The following FAM177A1 variants were observed in gnomAD, a reference collection of about 807,000 sequenced individuals.
The protein encoded by FAM177A1 is family with sequence similarity 177 member A1.
A neutral mutation model predicts 26.1 loss-of-function variants in FAM177A1; 22 were observed. The observed-to-expected ratio is 0.84, with a 90% CI of 0.60 to 1.20. The LOEUF (loss-of-function observed/expected upper bound fraction) is 1.20. FAM177A1 is among the 50% of genes most tolerant of loss of function. The pLI, the probability that FAM177A1 is intolerant of heterozygous loss-of-function variation, is 0.00. For synonymous variants in FAM177A1, 95 were observed against 99.3 expected (o/e 0.96, Z 0.26); for missense variants, 296 against 291.1 (o/e 1.02, Z -0.12).
chr14:35,067,340 C>T (rs540950518), intron 2 of FAM177A1, among the ~76,000 whole-genome samples: 3 of 152,246 alleles, frequency 2.0e-5, no homozygotes, highest in African/African-American at 4.8e-5. Context: ...GGTTCATCCA[C>T]GTTGCACAAA....
intron 2 of FAM177A1, among the ~76,000 whole-genome samples, chr14:35,057,424 C>T (rs747345252): frequency 3.3e-5 from 5 of 151,920 alleles, no homozygotes; most frequent in Admixed American, 6.6e-5. Flanking sequence ...ACTCTGTCAC[C>T]CAGGCTGGAG....
chr14:35,046,296 G>A lies in FAM177A1; in HGVS notation c.-168G>A. 1 of 739,832 alleles carries A rather than the reference G, an allele frequency of 1.4e-6. No homozygotes were observed. Among genetic ancestry groups the A allele is most frequent in the Non-Finnish European group, 2.0e-6 (1 of 505,034 alleles). The allele number at this position is 739,832 out of a possible 1,614,324, so 45.8% of individuals were successfully genotyped here. On this transcript the variant is annotated 5_prime_UTR_variant, in exon 1 of 5. Transcript: ENST00000280987. ...CAGACTGCAGTTGGCCAGCTCTCGG[G>A]GTGCGGAGCCCGGCGGGCTAGGCGA...
Position 35,051,080 on chromosome 14 carries a change from T to C in FAM177A1, c.166-2198T>C, listed in dbSNP as rs559038345. Among the ~76,000 whole-genome samples, 163 of 152,318 alleles carry C rather than the reference T, an allele frequency of 1.1e-3. 1 individual carries two copies. The highest frequency in any genetic ancestry group is 3.6e-3 in the African/African-American group (149 of 41,568). On this transcript the variant is annotated intron_variant, in intron 1 of 4. Transcript: ENST00000280987. ...TGTGACTTTTTTTCATGTTAATACA[T>C]AGGTAGCCTATGTTACCAAATTTTA... is the stretch of plus-strand genomic sequence containing the variant.
intron 1 of FAM177A1, 118 bp from the exon 2 acceptor site, chr14:35,053,160 C>A: frequency 1.1e-6 from 1 of 947,344 alleles, no homozygotes; most frequent in Non-Finnish European, 1.5e-6. Flanking sequence ...CAGAACAAAC[C>A]AAAACTGCTT....
At chr14:35,046,269 C>T (rs1033108262), upstream of FAM177A1, 10 of 543,108 alleles carry the variant, frequency 1.8e-5, no homozygotes, top group South Asian at 2.5e-4. Context: ...AGTTGCGCCT[C>T]CCAGACTGCA....
chr14:35,082,773 T>C lies in FAM177A1; in HGVS notation c.*1545T>C, dbSNP rs970817768. The C allele has an allele frequency of 2.6e-5, 4 of 152,190 alleles. No individual in the cohort carries two copies. Among genetic ancestry groups the C allele is most frequent in the African/African-American group, 7.2e-5 (3 of 41,450 alleles). The allele number at this position is 152,190 out of a possible 1,614,324, so 9.4% of individuals were successfully genotyped here. On this transcript the variant is annotated 3_prime_UTR_variant, in exon 5 of 5. Coordinates refer to ENST00000280987, the MANE Select transcript of FAM177A1 (RefSeq NM_173607.5). ...AATTTTAATATATCTATATAAAATA[T>C]AGTGTCAAAGAAAGTAACATCAATA...
At chr14:35,046,901 G>A (rs906314596) in intron 1 of FAM177A1, 8 of 1,251,312 alleles carry the variant, frequency 6.4e-6, no homozygotes, top group Non-Finnish European at 8.0e-6. Context: ...GTCTACCAGA[G>A]GAAGAAGAAA....
intron 1 of FAM177A1, among the ~76,000 whole-genome samples, chr14:35,048,324 T>A (rs898447805): frequency 6.6e-6 from 1 of 152,164 alleles, no homozygotes; most frequent in Non-Finnish European, 1.5e-5. Flanking sequence ...ATATACCAGC[T>A]AAATGTTGTT....
At chr14:35,063,300 T>TG (rs139534774) in intron 2 of FAM177A1, among the ~76,000 whole-genome samples, 24,633 of 151,744 alleles carry the variant, frequency 0.16, 2,216 homozygotes, top group African/African-American at 0.23. Context: ...GGGCCAGGCA[T>TG]GGTGGCTCTT....
chr14:35,047,016 C>A, intron 1 of FAM177A1: 1 of 1,018,632 alleles, frequency 9.8e-7, no homozygotes, highest in Non-Finnish European at 1.2e-6. Context: ...TGGGCATCTG[C>A]CCTTTGCTTG....
At chr14:35,048,628 T>A (rs1566665337) in intron 1 of FAM177A1, among the ~76,000 whole-genome samples, 1 of 151,486 alleles carries the variant, frequency 6.6e-6, no homozygotes, top group Non-Finnish European at 1.5e-5. Context: ...AGTTCCATTT[T>A]CTGATTTGCC....
chr14:35,076,858 T>C lies in FAM177A1; in HGVS notation c.340-292T>C, dbSNP rs2045404580. On this transcript the variant is annotated intron_variant, in intron 2 of 4. Coordinates refer to ENST00000280987, the MANE Select transcript of FAM177A1 (RefSeq NM_173607.5). The stretch of plus-strand genomic sequence containing the variant: ...GACAGGAGAAAGGAAAGCTCTGGAT[T>C]GTCAACTCATAAAATAATCCAGACT... 1.3e-5 allele frequency among the ~76,000 whole-genome samples: 2 copies of C among 152,226 alleles called. 1 individual carries two copies. The highest frequency in any genetic ancestry group is 4.1e-4 in the South Asian group (2 of 4,836).
intron 2 of FAM177A1, among the ~76,000 whole-genome samples, chr14:35,056,512 C>T (rs1289084313): frequency 1.3e-5 from 2 of 151,952 alleles, no homozygotes; most frequent in African/African-American, 4.8e-5. Context: ...CATGCCACAA[C>T]GTCTGGCTAA....
At chr14:35,054,850 G>GCA (rs2045033193) in intron 2 of FAM177A1, 1 of 152,014 alleles carries the variant, frequency 6.6e-6, no homozygotes. Flanking sequence ...GGTGGTGCAT[G>GCA]CCTGTAATCC....
chr14:35,070,746 A>T (rs1319609162), intron 2 of FAM177A1, among the ~76,000 whole-genome samples: 1 of 152,228 alleles, frequency 6.6e-6, no homozygotes, highest in African/African-American at 2.4e-5. Context: ...TTTTTGGCCT[A>T]GTTAATTCCA....
chr14:35,055,328 C>G (rs2045043733), intron 2 of FAM177A1, among the ~76,000 whole-genome samples: 1 of 85,348 alleles, frequency 1.2e-5, no homozygotes, highest in African/African-American at 4.1e-5. Flanking sequence ...ATCGGATATT[C>G]TACACAGAAA....
At chr14:35,048,740 AG>A (rs2044915208) in intron 1 of FAM177A1, among the ~76,000 whole-genome samples, 1 of 151,992 alleles carries the variant, frequency 6.6e-6, no homozygotes, top group Non-Finnish European at 1.5e-5. Flanking sequence ...TGGACATCTC[AG>A]GAGATGGAGA....
At chr14:35,075,690 A>G (rs1365568403) in intron 2 of FAM177A1, among the ~76,000 whole-genome samples, 1 of 152,252 alleles carries the variant, frequency 6.6e-6, no homozygotes. Flanking sequence ...AAATTTTTAC[A>G]ATCTACTAAT....
rs1376272678 is a variant in FAM177A1 at position 35,046,513 on chromosome 14, G to A, written c.50G>A (p.Ser17Asn). 4 of 1,603,912 alleles carry A rather than the reference G, an allele frequency of 2.5e-6. No individual in the cohort carries two copies. The African/African-American group carries it at 4.0e-5, about 16-fold the overall frequency. Reference sequence around the variant, plus strand: ...ACCCTCTTTCTCACCAGCGCCAGCAGCCCTGTGGTGGCGACGACGATGGAC... The same window carrying A: ...ACCCTCTTTCTCACCAGCGCCAGCAACCCTGTGGTGGCGACGACGATGGAC... ...AITLFLTSAS[S>N]PVVATTMDQE... Residue 17 changes from serine to asparagine, a missense_variant, in exon 1 of 5, where the codon AGC becomes AAC. Transcript: ENST00000280987.
Sources: allele counts gnomAD v4.1 joint callset (sites outside exome capture counted in the v4.1 genomes callset), GRCh38; gene constraint gnomAD v4.1.1; transcripts MANE v1.5; gene names NCBI Gene and HGNC (gene_info 2026-07-23, HGNC 2026-07-21).